Variants in NRK observed in about 807,000 individuals in gnomAD.
NRK encodes the protein Nik related kinase.
In NRK, 67 loss-of-function variants were observed where a neutral mutation model predicts 125.2. The observed-to-expected ratio is 0.54, with a 90% confidence interval of 0.44 to 0.66. The LOEUF is 0.66. Ranked by LOEUF, NRK falls within the 30% of genes least tolerant of loss-of-function variation. NRK has a pLI of 0.00. For missense variants in NRK, 1,224 were observed against 1,192.9 expected, an observed-to-expected ratio of 1.03 and a Z score of -0.38; for synonymous variants, 458 against 429.0, an observed-to-expected ratio of 1.07 and a Z score of -0.84.
intron 24 of NRK, among the ~76,000 whole-genome samples, chrX:105,944,333 A>G (rs946276353): frequency 9.0e-6 from 1 of 111,544 alleles, no homozygotes; most frequent in Non-Finnish European, 1.9e-5. Flanking sequence ...AGCTAGGACT[A>G]CAGGCATACA....
intron 16 of NRK, 95 bp from the exon 17 acceptor site, chrX:105,921,869 A>T: frequency 2.6e-6 from 1 of 378,248 alleles, no homozygotes. Context: ...AAAAAAAAAA[A>T]GAAAAAAAAC....
chrX:105,846,096 C>T (rs1197257689), intron 2 of NRK, among the ~76,000 whole-genome samples: 1 of 111,268 alleles, frequency 9.0e-6, no homozygotes, highest in East Asian at 2.8e-4. Flanking sequence ...TTTTATTATA[C>T]CTAATATAGG....
At chrX:105,842,734 A>T (rs2039346602) in intron 2 of NRK, among the ~76,000 whole-genome samples, 1 of 111,379 alleles carries the variant, frequency 9.0e-6, no homozygotes, top group Non-Finnish European at 1.9e-5. Context: ...TTGGAAGGTT[A>T]GAGGGTGGCA....
chrX:105,828,743 T>C (rs901887454), intron 1 of NRK, among the ~76,000 whole-genome samples: 1 of 111,831 alleles, frequency 8.9e-6, no homozygotes, highest in Non-Finnish European at 1.9e-5. Flanking sequence ...CCCTAGTAAC[T>C]TTTTTGTTGG....
chrX:105,866,567 A>G (rs1344014524), intron 2 of NRK, among the ~76,000 whole-genome samples: 1 of 112,036 alleles, frequency 8.9e-6, no homozygotes, highest in Non-Finnish European at 1.9e-5. Context: ...CCAAAATTCA[A>G]TACAATTTAG....
intron 28 of NRK, 140 bp from the exon 29 acceptor site, chrX:105,955,364 TC>T (rs1196768690): frequency 2.7e-6 from 1 of 365,501 alleles, no homozygotes; most frequent in Non-Finnish European, 4.9e-6. Flanking sequence ...ACTCATTCTT[TC>T]ATTTGAAAAA....
chrX:105,946,967 T>A (rs1602703316), intron 26 of NRK, among the ~76,000 whole-genome samples: 1 of 112,083 alleles, frequency 8.9e-6, no homozygotes, highest in African/African-American at 3.2e-5. Context: ...CATTAACAAA[T>A]TTTTAAAAAA....
chrX:105,948,059 T>C (rs949678753), intron 26 of NRK, among the ~76,000 whole-genome samples: 2 of 111,584 alleles, frequency 1.8e-5, no homozygotes, highest in Non-Finnish European at 3.8e-5. Flanking sequence ...GTGTCTTCCG[T>C]AGCTTCCTGC....
At chrX:105,944,342 C>T (rs1166624144) in intron 24 of NRK, among the ~76,000 whole-genome samples, 2 of 111,403 alleles carry the variant, frequency 1.8e-5, no homozygotes, top group African/African-American at 6.5e-5. Context: ...TACAGGCATA[C>T]ATCACACCTG....
intron 23 of NRK, among the ~76,000 whole-genome samples, chrX:105,941,197 CTGTGCTCTT>C (rs1244679532): frequency 9.0e-6 from 1 of 111,286 alleles, no homozygotes; most frequent in Non-Finnish European, 1.9e-5. Flanking sequence ...TATTGCAAAT[CTGTGCTCTT>C]TGTGAGGGGT....
chrX:105,928,276 G>T (rs1280067154), intron 19 of NRK, among the ~76,000 whole-genome samples: 2 of 111,126 alleles, frequency 1.8e-5, no homozygotes, highest in East Asian at 5.7e-4. Context: ...ATATGTTGCT[G>T]TGTAGTTTTT....
In NRK at chrX:105,953,094, T is replaced by C; in HGVS notation, c.4574T>C (p.Leu1525Ser). ...WGQKAIEVRSLQSRVLESELK... is the reference protein window; with the variant it reads ...WGQKAIEVRSSQSRVLESELK... The stretch of plus-strand genomic sequence containing the variant: ...CAAAAGGCCATTGAAGTGCGCTCTT[T>C]GCAATCCAGGGTTCTGGAAAGTGAG... The change falls in exon 28 of 29, where the codon TTG becomes TCG. Residue 1525 changes from leucine (L) to serine (S), a missense_variant. Physicochemically the swap from Leu to Ser is moderately radical, Grantham distance 145. Transcript: ENST00000243300. 1.7e-6 allele frequency: 2 copies of C among 1,198,728 alleles called. No homozygotes were observed. Among genetic ancestry groups the C allele is most frequent in the Non-Finnish European group, 2.3e-6 (2 of 886,842 alleles).
At chrX:105,923,050 G>A (rs2040472878) in intron 17 of NRK, 68 bp from the exon 18 acceptor site, 6 of 1,018,753 alleles carry the variant, frequency 5.9e-6, no homozygotes, top group Non-Finnish European at 1.3e-6. Context: ...TTGTCAGCTT[G>A]GAAACTTTCC....
rs1380146380 is a variant in NRK at position 105,915,753 on chromosome X, G to C, written c.2373G>C (p.Val791=). ...AGGTTCAAGAGAGATCTCCTTCTGT[G>C]CCTAACAACCAGGATCATGCACATC... The part of the protein sequence containing the change: ...KIEVQERSPS[V]PNNQDHAHHV... The change falls in exon 15 of 29, where the codon GTG becomes GTC. Residue 791 remains valine, a synonymous_variant. Transcript: ENST00000243300. The C allele has an allele frequency of 1.2e-5, 14 of 1,153,909 alleles. No individual in the cohort carries two copies. The highest frequency in any genetic ancestry group is 1.7e-5 in the Non-Finnish European group (14 of 847,162).
At chrX:105,904,493 G>A (rs2040196906) in intron 9 of NRK, among the ~76,000 whole-genome samples, 1 of 111,798 alleles carries the variant, frequency 8.9e-6, no homozygotes, top group Non-Finnish European at 1.9e-5. Context: ...TCTACTACAT[G>A]TCAGATACTT....
rs1472886458 is a variant in NRK, at chrX:105,898,748, A to G, written c.711+34A>G. 3.7e-6 allele frequency: 4 copies of G among 1,074,037 alleles called. No homozygotes were observed. In the African/African-American group the frequency reaches 5.7e-5, roughly 15 times the overall value. The allele number at this position is 1,074,037 out of a possible 1,213,427, so 88.5% of individuals were successfully genotyped here. A position where few individuals can be genotyped will look rare whatever the true frequency, so the allele number is the denominator to read the frequency against. ...GAGAATTCAGCCAGTGGAAATTACAATTTGGAAAGGATTTTTGATTAACAT... is the reference window on the plus strand; with the variant it reads ...GAGAATTCAGCCAGTGGAAATTACAGTTTGGAAAGGATTTTTGATTAACAT... On this transcript the variant is annotated intron_variant, in intron 8 of 28. Coordinates refer to ENST00000243300, the MANE Select transcript of NRK (RefSeq NM_198465.4).
chrX:105,946,422 T>C lies in NRK; in HGVS notation c.4311T>C (p.Asp1437=), dbSNP rs1172392884. The stretch of plus-strand genomic sequence containing the variant: ...CAGCAGATGGATATCACCTCATCGA[T>C]GCAGAATCTGAGGTTATGTCTGATG... The part of the protein sequence containing the change: ...FSSADGYHLI[D]AESEVMSDVT... The change falls in exon 26 of 29, where the codon GAT becomes GAC. Residue 1437 remains aspartate (D), a synonymous_variant. Coordinates refer to ENST00000243300, the MANE Select transcript of NRK (RefSeq NM_198465.4). 1 of 1,197,360 alleles carries C rather than the reference T, an allele frequency of 8.4e-7. No homozygotes were observed.
intron 2 of NRK, among the ~76,000 whole-genome samples, chrX:105,842,118 A>G (rs1459011430): frequency 9.0e-6 from 1 of 111,715 alleles, no homozygotes; most frequent in Non-Finnish European, 1.9e-5. Context: ...TGAAAAAACA[A>G]TCTGCCCAAG....
chrX:105,855,957 A>G (rs754475261), intron 2 of NRK, among the ~76,000 whole-genome samples: 6 of 111,613 alleles, frequency 5.4e-5, no homozygotes, highest in Non-Finnish European at 9.4e-5. Flanking sequence ...ATGTTTATCA[A>G]CCACACTCAA....
Sources: allele counts gnomAD v4.1 joint callset (sites outside exome capture counted in the v4.1 genomes callset), GRCh38; gene constraint gnomAD v4.1.1; transcripts MANE v1.5; gene names NCBI Gene and HGNC (gene_info 2026-07-23, HGNC 2026-07-21).